The following GRB14 variants were observed in gnomAD, a reference collection of about 807,000 sequenced individuals.
The protein encoded by GRB14 is growth factor receptor-bound protein 14.
Under a neutral mutation model 69.1 loss-of-function variants are expected in GRB14, and 38 were observed. The observed-to-expected ratio is 0.55, with a 90% confidence interval of 0.42 to 0.72. GRB14 has a LOEUF of 0.72. GRB14 is among the 30% of genes least tolerant of loss of function. The probability of loss-of-function intolerance (pLI) is 0.00; values close to 1 mark genes in which losing one functional copy is unlikely to be tolerated. For missense variants in GRB14, 666 were observed against 666.1 expected (o/e 1.00, Z 0.00); for synonymous variants, 247 against 241.3 (o/e 1.02, Z -0.22).
chr2:164,521,195 A>G (rs1188609984), intron 6 of GRB14, among the ~76,000 whole-genome samples: 2 of 152,096 alleles, frequency 1.3e-5, no homozygotes, highest in Non-Finnish European at 2.9e-5. Flanking sequence ...ATAAAAAGGA[A>G]TGAAATAATG....
At chr2:164,560,354 C>T (rs1416886885) in intron 2 of GRB14, among the ~76,000 whole-genome samples, 1 of 152,072 alleles carries the variant, frequency 6.6e-6, no homozygotes, top group African/African-American at 2.4e-5. Flanking sequence ...CATAGCTTCT[C>T]GCCAGAATAA....
At chr2:164,535,876 CGAGGG>C (rs1211157318) in intron 3 of GRB14, among the ~76,000 whole-genome samples, 1 of 152,112 alleles carries the variant, frequency 6.6e-6, no homozygotes, top group African/African-American at 2.4e-5. Flanking sequence ...CATTCTTCTG[CGAGGG>C]GAAATAGTCT....
intron 2 of GRB14, among the ~76,000 whole-genome samples, chr2:164,608,286 C>T (rs952877793): frequency 6.6e-6 from 1 of 151,804 alleles, no homozygotes; most frequent in East Asian, 1.9e-4. Context: ...GCAGGAGAAT[C>T]GCTTGAACCC....
At chr2:164,579,572 T>C (rs1689343810) in intron 2 of GRB14, among the ~76,000 whole-genome samples, 2 of 151,490 alleles carry the variant, frequency 1.3e-5, no homozygotes, top group Non-Finnish European at 2.9e-5. Context: ...ACATCAAAAT[T>C]AACCTGACCT....
intron 6 of GRB14, among the ~76,000 whole-genome samples, chr2:164,519,312 C>A (rs950377559): frequency 2.0e-5 from 3 of 151,956 alleles, no homozygotes; most frequent in African/African-American, 7.2e-5. Flanking sequence ...TCCAGCAACA[C>A]TTTATGATAA....
At chr2:164,540,709 C>A (rs181253264) in intron 3 of GRB14, among the ~76,000 whole-genome samples, 169 of 152,294 alleles carry the variant, frequency 1.1e-3, no homozygotes, top group African/African-American at 3.8e-3. Context: ...TCATCCTCTA[C>A]GGGATAACAA....
At position 164,547,666 on chromosome 2, in the gene GRB14, C is replaced by T. The variant is rs778211863; in HGVS notation, c.475G>A (p.Gly159Ser). Reference protein sequence around the residue: ...WTLFEHLPHIGVERTIEDHEL... With the variant: ...WTLFEHLPHISVERTIEDHEL... ...AATAACTCCGTATCCTTACCTACAC[C>T]TATGTGAGGCAGGTGCTCAAAAAGG... is the stretch of plus-strand genomic sequence containing the variant. The change falls in exon 3 of 14, where the codon GGT becomes AGT. Residue 159 changes from glycine to serine, a missense_variant. By Grantham distance (56) the Gly-to-Ser change is moderately conservative. Coordinates refer to ENST00000263915, the MANE Select transcript of GRB14 (RefSeq NM_004490.3). The T allele has an allele frequency of 6.2e-7, 1 of 1,612,926 alleles. No individual in the cohort carries two copies. Among genetic ancestry groups the T allele is most frequent in the South Asian group, 1.1e-5 (1 of 90,914 alleles).
At chr2:164,612,541 T>C (rs1464608119) in intron 2 of GRB14, among the ~76,000 whole-genome samples, 4 of 152,250 alleles carry the variant, frequency 2.6e-5, no homozygotes, top group African/African-American at 9.6e-5. Context: ...AGCTGACCTT[T>C]ATCTGTAATG....
chr2:164,591,391 A>G (rs986341113), intron 2 of GRB14, among the ~76,000 whole-genome samples: 11 of 152,150 alleles, frequency 7.2e-5, no homozygotes, highest in Admixed American at 7.2e-4. Flanking sequence ...CCCCCAACCA[A>G]TAACACCTCA....
chr2:164,529,943 T>A (rs1019512660), intron 3 of GRB14, among the ~76,000 whole-genome samples: 3 of 152,304 alleles, frequency 2.0e-5, no homozygotes, highest in South Asian at 2.1e-4. Flanking sequence ...CAAAAACTCA[T>A]CTTAGGGCTA....
At chr2:164,605,508 C>T (rs1690022566) in intron 2 of GRB14, among the ~76,000 whole-genome samples, 1 of 152,116 alleles carries the variant, frequency 6.6e-6, no homozygotes, top group Admixed American at 6.5e-5. Flanking sequence ...TGAGATCATC[C>T]TGGCAGTAAA....
intron 3 of GRB14, among the ~76,000 whole-genome samples, chr2:164,546,548 G>A (rs922886611): frequency 3.3e-5 from 5 of 152,160 alleles, no homozygotes; most frequent in Non-Finnish European, 5.9e-5. Context: ...AAAAGCTCCA[G>A]ATGGTAAGAG....
intron 1 of GRB14, among the ~76,000 whole-genome samples, chr2:164,620,666 A>G (rs1009558398): frequency 6.6e-6 from 1 of 152,208 alleles, no homozygotes; most frequent in Non-Finnish European, 1.5e-5. Flanking sequence ...TAAAGCCTCT[A>G]TTCTTTCCTG....
At chr2:164,571,362 A>G (rs901024885) in intron 2 of GRB14, among the ~76,000 whole-genome samples, 1 of 152,226 alleles carries the variant, frequency 6.6e-6, no homozygotes, top group Non-Finnish European at 1.5e-5. Context: ...AGCCCAAGGC[A>G]GACACTAACA....
intron 2 of GRB14, among the ~76,000 whole-genome samples, chr2:164,592,883 T>C (rs569834635): frequency 2.6e-5 from 4 of 152,350 alleles, no homozygotes; most frequent in East Asian, 3.9e-4. Context: ...ATTTCAACTC[T>C]GCCTCCATGC....
chr2:164,566,329 A>C (rs1228544128), intron 2 of GRB14, among the ~76,000 whole-genome samples: 1 of 152,202 alleles, frequency 6.6e-6, no homozygotes, highest in Admixed American at 6.5e-5. Context: ...TAAGATCTTC[A>C]GAACAATCAA....
chr2:164,609,332 G>C (rs1055971858), intron 2 of GRB14, among the ~76,000 whole-genome samples: 1 of 152,146 alleles, frequency 6.6e-6, no homozygotes, highest in African/African-American at 2.4e-5. Flanking sequence ...GGCCAATCCA[G>C]CTCCAGAGCT....
At chr2:164,600,492 T>C (rs898384932) in intron 2 of GRB14, among the ~76,000 whole-genome samples, 7 of 152,146 alleles carry the variant, frequency 4.6e-5, no homozygotes, top group African/African-American at 1.7e-4. Flanking sequence ...AATCAGATTA[T>C]ATCAGGGTTT....
In GRB14 at chr2:164,549,544, G is replaced by A. The variant is rs539554407; in HGVS notation, c.325-1728C>T. On this transcript the variant is annotated intron_variant, in intron 2 of 13. Transcript: ENST00000263915. ...TTAGTATTACTTCCCCACCACTTTGGTCTATGAAAAAGCTATGTATCTCTT... is the reference window on the plus strand; with the variant it reads ...TTAGTATTACTTCCCCACCACTTTGATCTATGAAAAAGCTATGTATCTCTT... Among the ~76,000 whole-genome samples, 101 of 152,042 alleles carry A rather than the reference G, an allele frequency of 6.6e-4. 1 individual carries two copies. The highest frequency in any genetic ancestry group is 1.8e-3 in the African/African-American group (76 of 41,476).
Sources: gnomAD v4.1 joint callset for allele counts (sites outside exome capture counted in the v4.1 genomes callset) on GRCh38, gnomAD v4.1.1 for gene constraint, MANE v1.5 for transcripts, NCBI Gene and HGNC (gene_info 2026-07-23, HGNC 2026-07-21) for gene names.